Variants in PCCA observed in about 807,000 individuals in gnomAD.
PCCA encodes the protein propionyl-CoA carboxylase subunit alpha.
In PCCA, 74 loss-of-function variants were observed where a neutral mutation model predicts 101.3. The ratio of observed to expected loss-of-function variants is 0.73; its 90% confidence interval spans 0.61 to 0.89. The LOEUF (loss-of-function observed/expected upper bound fraction) is 0.89. PCCA is among the 40% of genes least tolerant of loss of function. The pLI is 0.00. For synonymous variants in PCCA, 294 were observed against 313.6 expected (o/e 0.94, Z 0.66); for missense variants, 891 against 907.0 (o/e 0.98, Z 0.23).
Position 100,257,600 on chromosome 13 carries a change from C to G in PCCA, c.643C>G (p.Pro215Ala), listed in dbSNP as rs934503669. Residue 215 changes from proline (P) to alanine (A), a missense_variant, in exon 9 of 24, where the codon CCT becomes GCT. By Grantham distance (27) the Pro-to-Ala change is conservative. Transcript: ENST00000376285. ...TAATTCTTCCCTGCTGTTAGGCTAC[C>G]CTGTCATGATCAAGGCCTCAGCAGG... is the stretch of plus-strand genomic sequence containing the variant. ...AVRIAREIGY[P>A]VMIKASAGGG... is the part of the protein sequence containing the mutation. 1.2e-6 allele frequency: 2 copies of G among 1,612,446 alleles called. No homozygotes were observed. Among genetic ancestry groups the G allele is most frequent in the African/African-American group, 1.3e-5 (1 of 74,854 alleles).
chr13:100,409,849 C>T (rs1388802203), intron 19 of PCCA, among the ~76,000 whole-genome samples: 2 of 152,166 alleles, frequency 1.3e-5, no homozygotes, highest in African/African-American at 4.8e-5. Flanking sequence ...CTCACTGCAA[C>T]CTCTGCCTCC....
intron 22 of PCCA, among the ~76,000 whole-genome samples, chr13:100,518,486 T>A (rs1226709738): frequency 6.6e-6 from 1 of 152,222 alleles, no homozygotes; most frequent in Non-Finnish European, 1.5e-5. Context: ...TTTGAAGGGC[T>A]TCTGTAGGGT....
At chr13:100,239,302 A>T (rs2060983986) in intron 8 of PCCA, among the ~76,000 whole-genome samples, 1 of 152,096 alleles carries the variant, frequency 6.6e-6, no homozygotes, top group Non-Finnish European at 1.5e-5. Flanking sequence ...ATTTAGGTTT[A>T]TTTGACTCCA....
chr13:100,130,233 T>C (rs1255521611), intron 4 of PCCA, among the ~76,000 whole-genome samples: 1 of 152,250 alleles, frequency 6.6e-6, no homozygotes, highest in African/African-American at 2.4e-5. Flanking sequence ...CTATAGCCAG[T>C]CACTCACCCC....
At chr13:100,125,135 TTGTGTG>T (rs3034643) in intron 4 of PCCA, among the ~76,000 whole-genome samples, 13 of 149,222 alleles carry the variant, frequency 8.7e-5, no homozygotes, top group African/African-American at 1.5e-4. Context: ...GACCTTTTAT[TTGTGTG>T]TGTGTGTGTG....
chr13:100,350,837 C>T (rs997861824), intron 18 of PCCA, among the ~76,000 whole-genome samples: 1 of 152,158 alleles, frequency 6.6e-6, no homozygotes, highest in Non-Finnish European at 1.5e-5. Context: ...TACTTCTTTC[C>T]CATTCACCAT....
chr13:100,527,032 CGTG>C (rs2087888689), intron 22 of PCCA, among the ~76,000 whole-genome samples: 1 of 151,784 alleles, frequency 6.6e-6, no homozygotes, highest in Non-Finnish European at 1.5e-5. Flanking sequence ...CAGTGGTCCT[CGTG>C]GCGCCAGGGC....
chr13:100,326,349 TGAA>T (rs1315060029), intron 16 of PCCA, among the ~76,000 whole-genome samples: 1 of 152,108 alleles, frequency 6.6e-6, no homozygotes, highest in Non-Finnish European at 1.5e-5. Context: ...TGCCAGAGGA[TGAA>T]GAAGAAGACA....
chr13:100,223,126 A>G (rs2059920433), intron 7 of PCCA, among the ~76,000 whole-genome samples: 1 of 151,608 alleles, frequency 6.6e-6, no homozygotes, highest in Non-Finnish European at 1.5e-5. Context: ...AGGCATGCAC[A>G]TTAAGATATT....
At chr13:100,450,387 C>T (rs2081140325) in intron 21 of PCCA, among the ~76,000 whole-genome samples, 1 of 150,978 alleles carries the variant, frequency 6.6e-6, no homozygotes, top group Admixed American at 6.6e-5. Flanking sequence ...GAGCGAGACC[C>T]CGTCTCAAAA....
At chr13:100,395,894 T>C (rs954724119) in intron 19 of PCCA, among the ~76,000 whole-genome samples, 2 of 152,208 alleles carry the variant, frequency 1.3e-5, no homozygotes, top group Admixed American at 1.3e-4. Flanking sequence ...TTTTTTATCA[T>C]GCAGAGTGGG....
At chr13:100,142,908 T>G (rs1179565860) in intron 4 of PCCA, among the ~76,000 whole-genome samples, 3 of 152,228 alleles carry the variant, frequency 2.0e-5, no homozygotes, top group African/African-American at 7.2e-5. Flanking sequence ...AGGCTCCCTG[T>G]GTATGACAGT....
At chr13:100,203,139 T>TGGGG in intron 6 of PCCA, among the ~76,000 whole-genome samples, 1 of 151,968 alleles carries the variant, frequency 6.6e-6, no homozygotes, top group Admixed American at 6.6e-5. Context: ...CCGGGCGTGG[T>TGGGG]GGTGCGCGTC....
chr13:100,267,075 A>T (rs1463892353), intron 10 of PCCA, among the ~76,000 whole-genome samples: 1 of 152,218 alleles, frequency 6.6e-6, no homozygotes, highest in Non-Finnish European at 1.5e-5. Context: ...TAAAAAATGA[A>T]CTGGGAGACT....
intron 19 of PCCA, among the ~76,000 whole-genome samples, chr13:100,389,044 A>G (rs1225638691): frequency 6.6e-6 from 1 of 152,238 alleles, no homozygotes; most frequent in East Asian, 1.9e-4. Context: ...TAATCAAAAG[A>G]GATGATACAT....
chr13:100,460,288 T>G (rs1479082555), intron 21 of PCCA, among the ~76,000 whole-genome samples: 1 of 152,234 alleles, frequency 6.6e-6, no homozygotes, highest in African/African-American at 2.4e-5. Flanking sequence ...AATAAATATT[T>G]TGTTATTAAA....
chr13:100,202,299 A>C (rs2058570844), intron 6 of PCCA, among the ~76,000 whole-genome samples: 1 of 152,034 alleles, frequency 6.6e-6, no homozygotes, highest in Non-Finnish European at 1.5e-5. Context: ...GCACCCCTGC[A>C]CTCCAGGCTG....
intron 16 of PCCA, among the ~76,000 whole-genome samples, chr13:100,319,500 A>G: frequency 6.6e-6 from 1 of 152,104 alleles, no homozygotes; most frequent in Non-Finnish European, 1.5e-5. Flanking sequence ...TCCATCTTGA[A>G]TGAATTTTTG....
intron 6 of PCCA, among the ~76,000 whole-genome samples, chr13:100,183,084 C>T (rs1269449914): frequency 6.6e-6 from 1 of 152,034 alleles, no homozygotes; most frequent in African/African-American, 2.4e-5. Flanking sequence ...GGGTTGGGTA[C>T]AGCTGAAGAG....
Sources: allele counts gnomAD v4.1 joint callset (sites outside exome capture counted in the v4.1 genomes callset), GRCh38; gene constraint gnomAD v4.1.1; transcripts MANE v1.5; gene names NCBI Gene and HGNC (gene_info 2026-07-23, HGNC 2026-07-21).